ROBO2: variants seen among roughly 807,000 people sequenced by gnomAD.
ROBO2 encodes the protein roundabout guidance receptor 2.
ROBO2 carries 53 observed loss-of-function variants against 160.8 expected under a neutral mutation model. The ratio of observed to expected loss-of-function variants is 0.33; its 90% confidence interval spans 0.26 to 0.41. ROBO2 has a LOEUF of 0.41. Among genes scored for constraint, ROBO2 ranks in the 10% least tolerant of loss-of-function variants. ROBO2 has a pLI of 1.00. For synonymous variants in ROBO2, 664 were observed against 611.7 expected, an observed-to-expected ratio of 1.09 and a Z score of -1.26; for missense variants, 1,577 against 1,722.4, an observed-to-expected ratio of 0.92 and a Z score of 1.49.
intron 2 of ROBO2, among the ~76,000 whole-genome samples, chr3:76,869,779 T>C (rs2071829115): frequency 1.3e-5 from 2 of 152,280 alleles, no homozygotes; most frequent in Admixed American, 6.5e-5. Flanking sequence ...ATAATCAAAA[T>C]TGCCACTTGT....
At chr3:76,480,823 T>C (rs1300652887) in intron 2 of ROBO2, among the ~76,000 whole-genome samples, 1 of 152,190 alleles carries the variant, frequency 6.6e-6, no homozygotes. Context: ...TATTTTCACC[T>C]GATAGAAATA....
intron 2 of ROBO2, among the ~76,000 whole-genome samples, chr3:76,620,093 T>A (rs906345882): frequency 6.6e-6 from 1 of 152,200 alleles, no homozygotes; most frequent in Non-Finnish European, 1.5e-5. Flanking sequence ...TGAACTTATC[T>A]AAATGAAACA....
Position 76,931,998 on chromosome 3 carries a change from C to T in ROBO2, c.110-166016C>T, listed in dbSNP as rs1339949755. Reference sequence around the variant, plus strand: ...ACCCTGCCAAATATTTTAAAGTACACAGATGTGCCCAAATCACCATGGAGA... The same window carrying T: ...ACCCTGCCAAATATTTTAAAGTACATAGATGTGCCCAAATCACCATGGAGA... On this transcript the variant is annotated intron_variant, in intron 2 of 26. Coordinates refer to the ROBO2 transcript ENST00000487694. Among the ~76,000 whole-genome samples the T allele has an allele frequency of 2.0e-5, 3 of 152,050 alleles. No homozygotes were observed. The East Asian group carries it at 5.8e-4, about 29-fold the overall frequency.
chr3:77,177,873 G>A (rs1202856801), intron 2 of ROBO2, among the ~76,000 whole-genome samples: 1 of 151,868 alleles, frequency 6.6e-6, no homozygotes, highest in Non-Finnish European at 1.5e-5. Context: ...TTATAATTAT[G>A]TACGTATATG....
At chr3:76,533,465 G>A (rs929336044) in intron 2 of ROBO2, among the ~76,000 whole-genome samples, 1 of 152,162 alleles carries the variant, frequency 6.6e-6, no homozygotes, top group Non-Finnish European at 1.5e-5. Context: ...TGTGATAGAT[G>A]CACATCATAT....
At chr3:76,439,708 A>G (rs1341356763) in intron 2 of ROBO2, among the ~76,000 whole-genome samples, 1 of 152,194 alleles carries the variant, frequency 6.6e-6, no homozygotes, top group Admixed American at 6.5e-5. Flanking sequence ...TGAAGAAAGA[A>G]CTAGAAAAAT....
chr3:76,128,532 T>C (rs1044854880), intron 2 of ROBO2, among the ~76,000 whole-genome samples: 1 of 152,050 alleles, frequency 6.6e-6, no homozygotes, highest in Non-Finnish European at 1.5e-5. Context: ...AGATAAGATA[T>C]TTAATAACTA....
At chr3:77,308,858 T>C (rs2063312953) in intron 2 of ROBO2, among the ~76,000 whole-genome samples, 1 of 152,172 alleles carries the variant, frequency 6.6e-6, no homozygotes, top group African/African-American at 2.4e-5. Flanking sequence ...ACTATATAGA[T>C]ACATGTATAG....
At chr3:76,974,703 A>C (rs1196398560) in intron 2 of ROBO2, among the ~76,000 whole-genome samples, 1 of 152,130 alleles carries the variant, frequency 6.6e-6, no homozygotes, top group Admixed American at 6.5e-5. Flanking sequence ...TACCTACAAA[A>C]TTTGTTGCTC....
intron 2 of ROBO2, among the ~76,000 whole-genome samples, chr3:76,096,172 C>G (rs1245441919): frequency 6.6e-6 from 1 of 152,114 alleles, no homozygotes; most frequent in African/African-American, 2.4e-5. Context: ...GGGCCATCTT[C>G]CATCACAGAC....
chr3:76,747,012 A>G (rs1204751042), intron 2 of ROBO2, among the ~76,000 whole-genome samples: 2 of 152,112 alleles, frequency 1.3e-5, no homozygotes, highest in African/African-American at 4.8e-5. Context: ...ATAGTATTCC[A>G]TGGTGTATAT....
intron 2 of ROBO2, among the ~76,000 whole-genome samples, chr3:77,181,670 C>A (rs2080797629): frequency 6.6e-6 from 1 of 151,994 alleles, no homozygotes; most frequent in Admixed American, 6.6e-5. Context: ...CTTGAAAATG[C>A]ATTAATGAAT....
intron 2 of ROBO2, among the ~76,000 whole-genome samples, chr3:77,248,248 A>C (rs141076107): frequency 6.6e-6 from 1 of 152,190 alleles, no homozygotes; most frequent in East Asian, 1.9e-4. Context: ...TGGCAATGAA[A>C]TCCCCTGCAT....
intron 2 of ROBO2, among the ~76,000 whole-genome samples, chr3:77,003,002 G>A (rs1326842211): frequency 2.0e-5 from 3 of 152,138 alleles, no homozygotes; most frequent in East Asian, 3.9e-4. Context: ...TAACCACAAG[G>A]AAAAATAAAA....
At chr3:77,377,874 C>T (rs2153483012) in intron 2 of ROBO2, among the ~76,000 whole-genome samples, 1 of 152,286 alleles carries the variant, frequency 6.6e-6, no homozygotes, top group Middle Eastern at 3.4e-3. Flanking sequence ...AGTTCTTCAG[C>T]CTGGCGGCCA....
At chr3:76,733,298 C>T (rs1313703023) in intron 2 of ROBO2, among the ~76,000 whole-genome samples, 1 of 152,212 alleles carries the variant, frequency 6.6e-6, no homozygotes, top group African/African-American at 2.4e-5. Context: ...TTCAAATGTG[C>T]TGGTTCACAC....
chr3:77,614,353 A>G (rs967253816), intron 21 of ROBO2, among the ~76,000 whole-genome samples: 5 of 152,196 alleles, frequency 3.3e-5, no homozygotes, highest in African/African-American at 1.2e-4. Flanking sequence ...TTTTAGAGCA[A>G]TATGTTCTTT....
chr3:77,506,366 C>T (rs555427102), intron 5 of ROBO2, among the ~76,000 whole-genome samples: 5 of 152,220 alleles, frequency 3.3e-5, no homozygotes, highest in African/African-American at 9.6e-5. Context: ...GTGCTCAGAT[C>T]ATCATTATTA....
At chr3:76,884,231 T>C (rs1034606889) in intron 2 of ROBO2, among the ~76,000 whole-genome samples, 1 of 152,230 alleles carries the variant, frequency 6.6e-6, no homozygotes, top group Non-Finnish European at 1.5e-5. Context: ...CTTTTTCAGT[T>C]AATGAAATTG....
Sources: allele counts gnomAD v4.1 joint callset (sites outside exome capture counted in the v4.1 genomes callset), GRCh38; gene constraint gnomAD v4.1.1; transcripts MANE v1.5; gene names NCBI Gene and HGNC (gene_info 2026-07-23, HGNC 2026-07-21).